Variants in GBA1 observed in about 807,000 individuals in gnomAD.
GBA1 encodes the protein glucosylceramidase beta 1.
At chr1:155,235,639 G>C in the GBA1 span, 1 of 1,544,704 alleles carries the variant, frequency 6.5e-7, no homozygotes, top group Middle Eastern at 1.7e-4. Context: ...TGTAGGAGAT[G>C]ATAGGCCTGG....
the GBA1 span, chr1:155,238,164 T>C: frequency 6.2e-7 from 1 of 1,614,142 alleles, no homozygotes. Context: ...GGTCTGGTGG[T>C]AGATGTCTCC....
chr1:155,243,333 T>A, the GBA1 span, among the ~76,000 whole-genome samples: 58,873 of 152,000 alleles, frequency 0.39, 12,470 homozygotes, highest in East Asian at 0.7. Flanking sequence ...CTCAAGTTCA[T>A]TCATCTCACA....
At chr1:155,240,073 G>C in the GBA1 span, 2 of 1,613,440 alleles carry the variant, frequency 1.2e-6, no homozygotes, top group African/African-American at 2.7e-5. Flanking sequence ...TGCAGGGGCG[G>C]GCACCTGGGA....
At chr1:155,240,858 T>A in the GBA1 span, 1 of 872,800 alleles carries the variant, frequency 1.1e-6, no homozygotes, top group African/African-American at 1.7e-5. Context: ...GAAACCTGGG[T>A]GCAGCTCTCC....
the GBA1 span, chr1:155,240,810 T>C: frequency 1.8e-6 from 2 of 1,103,480 alleles, no homozygotes; most frequent in Non-Finnish European, 2.8e-6. Flanking sequence ...TGGGTGCCCA[T>C]GGCCCGGTCT....
At chr1:155,238,435 T>A in the GBA1 span, 10 of 1,384,278 alleles carry the variant, frequency 7.2e-6, no homozygotes, top group Non-Finnish European at 8.9e-6. Context: ...GGACAAAATG[T>A]CTGTACAAGC....
chr1:155,239,460 G>A, the GBA1 span, among the ~76,000 whole-genome samples: 5 of 152,138 alleles, frequency 3.3e-5, no homozygotes, highest in Non-Finnish European at 7.4e-5. Context: ...TAGCCTGGGA[G>A]GCAGAGGTTG....
At chr1:155,240,266 C>A in the GBA1 span, 10 of 616,958 alleles carry the variant, frequency 1.6e-5, no homozygotes, top group Non-Finnish European at 2.6e-5. Context: ...GAGTTTGAGA[C>A]CTGCCTTGCC....
the GBA1 span, among the ~76,000 whole-genome samples, chr1:155,236,895 C>T: frequency 1.8e-4 from 27 of 152,198 alleles, no homozygotes; most frequent in African/African-American, 6.5e-4. Context: ...GATGGAGTCT[C>T]GCTCAGCCTC....
chr1:155,236,155 G>C, the GBA1 span: 1 of 1,157,864 alleles, frequency 8.6e-7, no homozygotes, highest in South Asian at 1.3e-5. Context: ...GCTGGGGAAA[G>C]CTGGACAGGA....
At chr1:155,239,382 T>G in the GBA1 span, among the ~76,000 whole-genome samples, 7 of 151,938 alleles carry the variant, frequency 4.6e-5, no homozygotes, top group South Asian at 1.5e-3. Context: ...ATACAAAAAT[T>G]AGCCAGGTGG....
chr1:155,240,069 G>T, the GBA1 span: 3 of 1,613,718 alleles, frequency 1.9e-6, no homozygotes, highest in Non-Finnish European at 2.5e-6. Flanking sequence ...GGGATGCAGG[G>T]GCGGGCACCT....
At chr1:155,240,996 G>C in the GBA1 span, 4 of 1,259,812 alleles carry the variant, frequency 3.2e-6, no homozygotes, top group African/African-American at 2.9e-5. Flanking sequence ...TGATGGCCCT[G>C]GATTCAAAGA....
the GBA1 span, chr1:155,235,450 G>A: frequency 7.1e-7 from 1 of 1,412,184 alleles, no homozygotes. Context: ...GAGCCATGCT[G>A]CTGGGCACTG....
the GBA1 span, chr1:155,239,737 T>A: frequency 1.2e-6 from 2 of 1,614,064 alleles, no homozygotes; most frequent in Non-Finnish European, 8.5e-7. Flanking sequence ...GGAACTTCTG[T>A]TCTGGCTGCA....
chr1:155,235,403 A>C, the GBA1 span: 1 of 1,568,186 alleles, frequency 6.4e-7, no homozygotes, highest in East Asian at 2.4e-5. Context: ...CCACCCCATA[A>C]CTCCTGCAGA....
At chr1:155,237,953 G>T in the GBA1 span, 1 of 711,040 alleles carries the variant, frequency 1.4e-6, no homozygotes, top group South Asian at 1.7e-5. Context: ...CAGACCGAGA[G>T]AACAGGAAGC....
chr1:155,236,731 G>A, the GBA1 span, among the ~76,000 whole-genome samples: 5 of 150,246 alleles, frequency 3.3e-5, no homozygotes, highest in Non-Finnish European at 5.9e-5. Context: ...GGGACTACAC[G>A]GGTGCCACAC....
chr1:155,240,297 C>T, the GBA1 span: 1 of 606,146 alleles, frequency 1.6e-6, no homozygotes, highest in East Asian at 2.7e-5. Context: ...AACCCCGTCT[C>T]TACTAAAAAT....
Sources: gnomAD v4.1 joint callset for allele counts (sites outside exome capture counted in the v4.1 genomes callset) on GRCh38, gnomAD v4.1.1 for gene constraint, MANE v1.5 for transcripts, NCBI Gene and HGNC (gene_info 2026-07-23, HGNC 2026-07-21) for gene names.